Variants in RAPGEF5 observed in about 807,000 individuals in gnomAD.
The protein encoded by RAPGEF5 is M-Ras-regulated GEF.
In RAPGEF5, 65 loss-of-function variants were observed where a neutral mutation model predicts 125.2. The ratio of observed to expected loss-of-function variants is 0.52; its 90% CI spans 0.43 to 0.64. The LOEUF is 0.64. Among genes scored for constraint, RAPGEF5 ranks in the 30% least tolerant of loss-of-function variants. The pLI is 0.00. For missense variants in RAPGEF5, 958 were observed against 1,048.1 expected, an observed-to-expected ratio of 0.91 and a Z score of 1.19; for synonymous variants, 391 against 385.9, an observed-to-expected ratio of 1.01 and a Z score of -0.16.
intron 6 of RAPGEF5, among the ~76,000 whole-genome samples, chr7:22,276,721 C>T (rs796514014): frequency 3.3e-5 from 5 of 152,300 alleles, no homozygotes; most frequent in African/African-American, 1.2e-4. Flanking sequence ...TTTATGCCAA[C>T]CTTGAGAGAA....
At chr7:22,255,223 T>C (rs189006636) in intron 7 of RAPGEF5, among the ~76,000 whole-genome samples, 1 of 152,252 alleles carries the variant, frequency 6.6e-6, no homozygotes, top group East Asian at 1.9e-4. Context: ...GAAAAAACAA[T>C]TTAACGTAAA....
intron 11 of RAPGEF5, among the ~76,000 whole-genome samples, chr7:22,176,001 C>T (rs115925423): frequency 1.6e-4 from 24 of 151,958 alleles, no homozygotes; most frequent in South Asian, 6.2e-4. Flanking sequence ...CTAATAAAGA[C>T]GTACCAGAGA....
intron 11 of RAPGEF5, among the ~76,000 whole-genome samples, chr7:22,176,695 A>ATT (rs889883601): frequency 1.3e-5 from 2 of 151,798 alleles, no homozygotes; most frequent in African/African-American, 4.8e-5. Context: ...TGCCCGGGTA[A>ATT]TTTTTTTCTA....
intron 11 of RAPGEF5, among the ~76,000 whole-genome samples, chr7:22,171,905 A>T (rs1386246445): frequency 6.6e-6 from 1 of 152,244 alleles, no homozygotes; most frequent in Non-Finnish European, 1.5e-5. Context: ...AAATAAAATA[A>T]TACTTTCGTA....
chr7:22,291,099 A>C, intron 6 of RAPGEF5, 76 bp downstream of exon 6: 1 of 1,460,830 alleles, frequency 6.8e-7, no homozygotes, highest in South Asian at 1.4e-5. Flanking sequence ...CTACACCATC[A>C]CCCAAAGAAC....
chr7:22,331,915 G>A (rs1344587398), intron 1 of RAPGEF5, among the ~76,000 whole-genome samples: 1 of 152,232 alleles, frequency 6.6e-6, no homozygotes, highest in South Asian at 2.1e-4. Flanking sequence ...GAGGAAACTT[G>A]TTGAAAGTAA....
intron 24 of RAPGEF5, chr7:22,130,820 A>G: frequency 1.7e-6 from 1 of 603,452 alleles, no homozygotes; most frequent in Non-Finnish European, 2.8e-6. Context: ...TTGGTTCACA[A>G]AAACCTTGCT....
At chr7:22,349,116 G>T (rs1784282219) in intron 1 of RAPGEF5, among the ~76,000 whole-genome samples, 1 of 146,110 alleles carries the variant, frequency 6.8e-6, no homozygotes, top group Admixed American at 6.8e-5. Flanking sequence ...AAAGCAATAA[G>T]ACCCAGTGTT....
chr7:22,185,572 C>G (rs1784800888), intron 11 of RAPGEF5, among the ~76,000 whole-genome samples: 1 of 152,184 alleles, frequency 6.6e-6, no homozygotes, highest in Non-Finnish European at 1.5e-5. Context: ...AAAATCCAAA[C>G]CAAACCAAAA....
chr7:22,338,402 TTTATGTTCTAACACTATAG>T, intron 1 of RAPGEF5, among the ~76,000 whole-genome samples: 1 of 152,322 alleles, frequency 6.6e-6, no homozygotes, highest in South Asian at 2.1e-4. Context: ...TTTCTGTTAT[TTTATGTTCTAACACTATAG>T]TTACACTATG....
Position 22,193,951 on chromosome 7 carries a change from G to A in RAPGEF5, c.1079C>T (p.Pro360Leu), listed in dbSNP as rs1173248021. The A allele has an allele frequency of 4.3e-6, 7 of 1,613,752 alleles. No individual in the cohort carries two copies. In the East Asian group the frequency reaches 1.6e-4, roughly 36 times the overall value. ...CTCCGCACTCCCAGCTGTGGGGGCT[G>A]GGCCACAGCACTGCACTTTCTTCAG... ...LVLKKVQCCG[P>L]APTAGSAESH... The change falls in exon 10 of 26, where the codon CCA becomes CTA. Residue 360 changes from proline (P) to leucine (L), a missense_variant. Transcript: ENST00000665637.
At chr7:22,264,039 A>T (rs1782223981) in intron 7 of RAPGEF5, among the ~76,000 whole-genome samples, 1 of 152,202 alleles carries the variant, frequency 6.6e-6, no homozygotes. Context: ...TACTATATTA[A>T]TTCTCCCAAA....
At chr7:22,170,533 T>G (rs567809289) in intron 11 of RAPGEF5, among the ~76,000 whole-genome samples, 1 of 152,290 alleles carries the variant, frequency 6.6e-6, no homozygotes, top group South Asian at 2.1e-4. Flanking sequence ...TTTAATGAGG[T>G]TAGAACTATT....
At chr7:22,321,420 A>T (rs2128155783) in intron 1 of RAPGEF5, among the ~76,000 whole-genome samples, 1 of 152,372 alleles carries the variant, frequency 6.6e-6, no homozygotes, top group African/African-American at 2.4e-5. Context: ...ACAGTGTAAT[A>T]GACTTAAGGC....
intron 8 of RAPGEF5, among the ~76,000 whole-genome samples, chr7:22,221,523 A>ATCAT (rs1785788606): frequency 6.6e-6 from 1 of 152,186 alleles, no homozygotes; most frequent in African/African-American, 2.4e-5. Context: ...CTCAAATTGT[A>ATCAT]GTTCCCATAA....
intron 10 of RAPGEF5, 134 bp from the exon 11 acceptor site, chr7:22,193,589 G>A: frequency 6.4e-7 from 1 of 1,551,206 alleles, no homozygotes; most frequent in Non-Finnish European, 8.7e-7. Context: ...GGCAGCTCTC[G>A]GTCTGAGAGC....
intron 11 of RAPGEF5, among the ~76,000 whole-genome samples, chr7:22,173,663 A>G (rs545256288): frequency 6.6e-6 from 1 of 152,348 alleles, no homozygotes; most frequent in South Asian, 2.1e-4. Flanking sequence ...TGATTTGAAT[A>G]CAACAGGTAT....
chr7:22,211,633 G>A (rs1785508442), intron 9 of RAPGEF5, among the ~76,000 whole-genome samples: 1 of 152,196 alleles, frequency 6.6e-6, no homozygotes, highest in African/African-American at 2.4e-5. Flanking sequence ...GACTGTGAGG[G>A]AAGTGGGACC....
intron 6 of RAPGEF5, among the ~76,000 whole-genome samples, chr7:22,271,331 T>G (rs545288141): frequency 5.3e-5 from 8 of 152,334 alleles, no homozygotes; most frequent in African/African-American, 1.7e-4. Flanking sequence ...GTATCTTACT[T>G]TCTCCAAGGC....
Sources: allele counts gnomAD v4.1 joint callset (sites outside exome capture counted in the v4.1 genomes callset), GRCh38; gene constraint gnomAD v4.1.1; transcripts MANE v1.5; gene names NCBI Gene and HGNC (gene_info 2026-07-23, HGNC 2026-07-21).